MAF: variants seen among roughly 807,000 people sequenced by gnomAD.
The protein encoded by MAF is transcription factor Maf.
MAF carries 10 observed loss-of-function variants against 22.0 expected under a neutral mutation model. That is an observed-to-expected ratio of 0.45 (90% CI 0.28 to 0.77). The LOEUF is 0.77. Among genes scored for constraint, MAF ranks in the 30% least tolerant of loss-of-function variants. The probability of loss-of-function intolerance (pLI) is 0.12; values close to 1 mark genes in which losing one functional copy is unlikely to be tolerated. For missense variants in MAF, 544 were observed against 548.4 expected, an observed-to-expected ratio of 0.99 and a Z score of 0.08; for synonymous variants, 337 against 255.8, an observed-to-expected ratio of 1.32 and a Z score of -3.03.
At chr16:79,427,996 T>A in the MAF span, among the ~76,000 whole-genome samples, 105,046 of 151,370 alleles carry the variant, frequency 0.69, 37,303 homozygotes, top group East Asian at 1. Flanking sequence ...ACTTGCCTCA[T>A]AGCTTTTCTG....
At chr16:79,275,777 G>C in the MAF span, among the ~76,000 whole-genome samples, 1 of 152,208 alleles carries the variant, frequency 6.6e-6, no homozygotes, top group Non-Finnish European at 1.5e-5. Context: ...GAGAACCATA[G>C]TGAAGTATCT....
chr16:79,364,428 T>A, the MAF span, among the ~76,000 whole-genome samples: 1 of 152,070 alleles, frequency 6.6e-6, no homozygotes, highest in Non-Finnish European at 1.5e-5. Flanking sequence ...CAGAAGATGC[T>A]CCAGCCAGGC....
the MAF span, among the ~76,000 whole-genome samples, chr16:79,279,503 G>A: frequency 6.6e-6 from 1 of 152,202 alleles, no homozygotes; most frequent in Non-Finnish European, 1.5e-5. Flanking sequence ...AGAGGCTGAA[G>A]CGGGGAGCAC....
chr16:79,442,850 A>T, the MAF span, among the ~76,000 whole-genome samples: 498 of 152,350 alleles, frequency 3.3e-3, 5 homozygotes, highest in African/African-American at 0.011. Flanking sequence ...ACCACACCCA[A>T]CAGATCTGGG....
chr16:79,551,045 G>A, the MAF span, among the ~76,000 whole-genome samples: 1 of 152,138 alleles, frequency 6.6e-6, no homozygotes, highest in Non-Finnish European at 1.5e-5. Context: ...CTATGCACAG[G>A]TTCTTTCTGG....
chr16:79,515,683 G>A, the MAF span, among the ~76,000 whole-genome samples: 1 of 152,154 alleles, frequency 6.6e-6, no homozygotes, highest in Non-Finnish European at 1.5e-5. Flanking sequence ...CAGATAAGAG[G>A]CTGGGCCGTG....
chr16:79,317,780 C>T, the MAF span, among the ~76,000 whole-genome samples: 2 of 152,194 alleles, frequency 1.3e-5, no homozygotes, highest in African/African-American at 4.8e-5. Flanking sequence ...GATGCTAGCC[C>T]ACTGGACACA....
the MAF span, among the ~76,000 whole-genome samples, chr16:79,223,827 G>C: frequency 6.6e-6 from 1 of 152,124 alleles, no homozygotes; most frequent in African/African-American, 2.4e-5. Flanking sequence ...TCAAATCCCT[G>C]AATAGACCAA....
At chr16:79,325,434 C>G in the MAF span, among the ~76,000 whole-genome samples, 2 of 152,086 alleles carry the variant, frequency 1.3e-5, no homozygotes, top group Admixed American at 6.5e-5. Context: ...TGTCTTTACC[C>G]AGGAGGCTCA....
At chr16:79,433,748 G>C in the MAF span, among the ~76,000 whole-genome samples, 1 of 152,162 alleles carries the variant, frequency 6.6e-6, no homozygotes, top group Non-Finnish European at 1.5e-5. Context: ...AGTATCACAT[G>C]AGAAATGAGA....
At chr16:79,432,440 G>C in the MAF span, among the ~76,000 whole-genome samples, 2 of 151,970 alleles carry the variant, frequency 1.3e-5, no homozygotes, top group Admixed American at 1.3e-4. Context: ...TTATAAATTA[G>C]GCACAGAAGT....
chr16:79,359,812 C>T, the MAF span, among the ~76,000 whole-genome samples: 1 of 151,986 alleles, frequency 6.6e-6, no homozygotes, highest in Non-Finnish European at 1.5e-5. Flanking sequence ...AGGAGGGAGT[C>T]CAGAAGCTGG....
At chr16:79,479,803 G>T in the MAF span, among the ~76,000 whole-genome samples, 1 of 152,334 alleles carries the variant, frequency 6.6e-6, no homozygotes, top group Non-Finnish European at 1.5e-5. Flanking sequence ...TGTTGGCATT[G>T]TTGACCTCAT....
Position 79,598,454 on chromosome 16 carries a change from G to GT in MAF, c.1118+330dup, listed in dbSNP as rs1466056836. ...AAGTCCGGGGGTGGGGCGGGGGGGT[G>GT]TAAAAAAAAAAAAAAAACAAGCTAG... On this transcript the variant is annotated intron_variant, in intron 1 of 1. Coordinates refer to ENST00000326043, the MANE Select transcript of MAF (RefSeq NM_005360.5). 2.1e-5 allele frequency: 8 copies of GT among 384,014 alleles called. No homozygotes were observed. In the Admixed American group the frequency reaches 3.7e-4, roughly 18 times the overall value. The allele number at this position is 384,014 out of a possible 1,614,324, so 23.8% of individuals were successfully genotyped here. A position where few individuals can be genotyped will look rare whatever the true frequency, so the allele number is the denominator to read the frequency against.
At chr16:79,270,560 G>T in the MAF span, among the ~76,000 whole-genome samples, 2 of 152,182 alleles carry the variant, frequency 1.3e-5, no homozygotes, top group Non-Finnish European at 2.9e-5. Context: ...GAAAGATTTA[G>T]TCTTAGCCCC....
chr16:79,465,813 G>A, the MAF span, among the ~76,000 whole-genome samples: 2 of 152,146 alleles, frequency 1.3e-5, no homozygotes, highest in Non-Finnish European at 2.9e-5. Flanking sequence ...GTATTGTGAG[G>A]AATAAATGGG....
the MAF span, among the ~76,000 whole-genome samples, chr16:79,519,328 G>A: frequency 6.6e-6 from 1 of 152,144 alleles, no homozygotes; most frequent in Non-Finnish European, 1.5e-5. Context: ...TGTGAAGAAA[G>A]GCATGCTATG....
the MAF span, among the ~76,000 whole-genome samples, chr16:79,573,632 C>G: frequency 0.042 from 6,390 of 152,264 alleles, 143 homozygotes; most frequent in Middle Eastern, 0.071. Context: ...AGGTAATACA[C>G]AATAGATATT....
chr16:79,600,259 T>A lies in MAF; in HGVS notation c.-357A>T, dbSNP rs1012073817. On this transcript the variant is annotated 5_prime_UTR_variant, in exon 1 of 2. Coordinates refer to ENST00000326043, the MANE Select transcript of MAF (RefSeq NM_005360.5). ...GCGGTGGTGGCTGCGGCGGCGAAGCTGGAGGAGCCCGGCCCGGTGCGCGGC... is the reference window on the plus strand; with the variant it reads ...GCGGTGGTGGCTGCGGCGGCGAAGCAGGAGGAGCCCGGCCCGGTGCGCGGC... 2.0e-5 allele frequency: 5 copies of A among 247,076 alleles called. No homozygotes were observed. The highest frequency in any genetic ancestry group is 4.1e-5 in the Non-Finnish European group (5 of 122,770). 15.3% of individuals were successfully genotyped at this position (247,076 alleles called of 1,614,324 possible).
Sources: allele counts gnomAD v4.1 joint callset (sites outside exome capture counted in the v4.1 genomes callset), GRCh38; gene constraint gnomAD v4.1.1; transcripts MANE v1.5; gene names NCBI Gene and HGNC (gene_info 2026-07-23, HGNC 2026-07-21).